The following DPP10 variants were observed in gnomAD, a reference collection of about 807,000 sequenced individuals.
The protein encoded by DPP10 is inactive dipeptidyl peptidase 10.
Under a neutral mutation model 120.9 loss-of-function variants are expected in DPP10, and 33 were observed. That is an observed-to-expected ratio of 0.27 (90% CI 0.21 to 0.37). The LOEUF (loss-of-function observed/expected upper bound fraction) is 0.37, where lower values mean the gene tolerates loss of function less well. Among genes scored for constraint, DPP10 ranks in the 10% least tolerant of loss-of-function variants. The probability of loss-of-function intolerance (pLI) is 1.00; values close to 1 mark genes in which losing one functional copy is unlikely to be tolerated. For missense variants in DPP10, 816 were observed against 942.8 expected, an observed-to-expected ratio of 0.87 and a Z score of 1.76; for synonymous variants, 337 against 326.1, an observed-to-expected ratio of 1.03 and a Z score of -0.36.
At chr2:115,708,475 A>G (rs564363906) in intron 7 of DPP10, among the ~76,000 whole-genome samples, 1 of 152,116 alleles carries the variant, frequency 6.6e-6, no homozygotes, top group South Asian at 2.1e-4. Flanking sequence ...TTCTTTCAAA[A>G]TTATCCTAAT....
At chr2:115,364,617 C>G (rs74918705) in intron 3 of DPP10, among the ~76,000 whole-genome samples, 11,099 of 151,412 alleles carry the variant, frequency 0.073, 468 homozygotes, top group Middle Eastern at 0.099. Flanking sequence ...CATGACTTTC[C>G]CAGACATCTT....
chr2:115,358,790 T>C (rs2064578061), intron 3 of DPP10, among the ~76,000 whole-genome samples: 1 of 152,168 alleles, frequency 6.6e-6, no homozygotes, highest in South Asian at 2.1e-4. Flanking sequence ...CAACTTACAA[T>C]TATGGTAGAA....
chr2:114,682,965 A>G (rs889074282), intron 1 of DPP10, among the ~76,000 whole-genome samples: 3 of 151,996 alleles, frequency 2.0e-5, no homozygotes, highest in Non-Finnish European at 4.4e-5. Context: ...GTCATGTTCC[A>G]GTACTTTAAT....
Position 115,516,187 on chromosome 2 carries a change from A to C in DPP10, c.367-9711A>C, listed in dbSNP as rs917376785. The stretch of plus-strand genomic sequence containing the variant: ...GTGTTTGCAGATGTTCTTGGGAGAC[A>C]GTAAAATAGAACCCGGTTCTTACTT... On this transcript the variant is annotated intron_variant, in intron 4 of 25. Coordinates refer to ENST00000410059, the MANE Select transcript of DPP10 (RefSeq NM_020868.6). Among the ~76,000 whole-genome samples the C allele has an allele frequency of 2.0e-5, 3 of 152,134 alleles. No individual in the cohort carries two copies. In the South Asian group the frequency reaches 6.2e-4, roughly 32 times the overall value.
chr2:115,412,404 A>G (rs570040144), intron 3 of DPP10, among the ~76,000 whole-genome samples: 45 of 152,344 alleles, frequency 3.0e-4, no homozygotes, highest in Non-Finnish European at 6.5e-4. Context: ...TGGAGAATAC[A>G]TCAATTTTAG....
chr2:115,240,651 G>C (rs143311774), intron 1 of DPP10, among the ~76,000 whole-genome samples: 1 of 151,994 alleles, frequency 6.6e-6, no homozygotes, highest in Admixed American at 6.6e-5. Flanking sequence ...ACTTTTAAAC[G>C]CACTAAGAAA....
At chr2:114,516,673 T>C (rs1402545076) in intron 1 of DPP10, among the ~76,000 whole-genome samples, 1 of 152,236 alleles carries the variant, frequency 6.6e-6, no homozygotes, top group Non-Finnish European at 1.5e-5. Flanking sequence ...GCTTTTACTT[T>C]ACCAAATTAC....
intron 5 of DPP10, among the ~76,000 whole-genome samples, chr2:115,613,128 C>T (rs979105210): frequency 2.0e-5 from 3 of 152,080 alleles, no homozygotes; most frequent in Admixed American, 6.5e-5. Flanking sequence ...TTCTGTGACT[C>T]GCTGTGGAAG....
intron 1 of DPP10, among the ~76,000 whole-genome samples, chr2:114,693,692 C>T (rs1037181311): frequency 2.0e-5 from 3 of 151,968 alleles, no homozygotes; most frequent in African/African-American, 7.2e-5. Context: ...TTATTCCATT[C>T]TCCCCATCTC....
At chr2:114,489,654 T>A (rs1345732526) in intron 1 of DPP10, among the ~76,000 whole-genome samples, 1 of 152,186 alleles carries the variant, frequency 6.6e-6, no homozygotes, top group Non-Finnish European at 1.5e-5. Context: ...TGTCTTTTTT[T>A]CCCTGGAGCT....
chr2:115,635,371 C>T (rs541306641), intron 5 of DPP10, among the ~76,000 whole-genome samples: 4 of 152,270 alleles, frequency 2.6e-5, no homozygotes, highest in African/African-American at 9.6e-5. Context: ...TTGCACAGAT[C>T]TGTGGAAAAA....
At chr2:114,813,941 AACACACACACACACACACACACACAC>A (rs375858356) in intron 1 of DPP10, among the ~76,000 whole-genome samples, 2 of 139,402 alleles carry the variant, frequency 1.4e-5, no homozygotes, top group African/African-American at 2.6e-5. Context: ...GGCACGCATG[AACACACACACACACACACACACACAC>A]ACACACACAC....
At chr2:115,304,578 A>G (rs2061282894) in intron 1 of DPP10, among the ~76,000 whole-genome samples, 1 of 152,048 alleles carries the variant, frequency 6.6e-6, no homozygotes, top group East Asian at 1.9e-4. Flanking sequence ...TCTAAATGTC[A>G]TGCTTTTCAG....
At chr2:115,796,387 G>A (rs1027712360) in intron 19 of DPP10, among the ~76,000 whole-genome samples, 3 of 152,014 alleles carry the variant, frequency 2.0e-5, no homozygotes, top group Non-Finnish European at 4.4e-5. Context: ...TTGCCATACC[G>A]CACTAACTGG....
At chr2:115,353,010 CA>C (rs71394130) in intron 3 of DPP10, among the ~76,000 whole-genome samples, 4,777 of 146,644 alleles carry the variant, frequency 0.033, 86 homozygotes, top group South Asian at 0.063. Context: ...CTGACATGTT[CA>C]AAAAAAAAAT....
intron 3 of DPP10, among the ~76,000 whole-genome samples, chr2:115,456,350 A>G (rs2073541762): frequency 1.3e-5 from 2 of 152,212 alleles, no homozygotes; most frequent in African/African-American, 4.8e-5. Context: ...GAATGCTTTT[A>G]CGCTGTTGGT....
chr2:114,707,125 G>T (rs1700733442), intron 1 of DPP10: 1 of 152,038 alleles, frequency 6.6e-6, no homozygotes, highest in African/African-American at 2.4e-5. Context: ...AGGATCCATT[G>T]CTGTTTACAT....
intron 1 of DPP10, among the ~76,000 whole-genome samples, chr2:114,863,418 A>G (rs2106537095): frequency 6.6e-6 from 1 of 152,284 alleles, no homozygotes; most frequent in Middle Eastern, 3.4e-3. Flanking sequence ...GATGAAGTGA[A>G]GTATCAGACG....
intron 4 of DPP10, among the ~76,000 whole-genome samples, chr2:115,506,204 C>T (rs2076933000): frequency 6.6e-6 from 1 of 152,026 alleles, no homozygotes; most frequent in Non-Finnish European, 1.5e-5. Flanking sequence ...TTCCACACTT[C>T]ACATTACATA....
Sources: allele counts gnomAD v4.1 joint callset (sites outside exome capture counted in the v4.1 genomes callset), GRCh38; gene constraint gnomAD v4.1.1; transcripts MANE v1.5; gene names NCBI Gene and HGNC (gene_info 2026-07-23, HGNC 2026-07-21).